TWIST2: variants seen among roughly 807,000 people sequenced by gnomAD.
TWIST2 encodes twist-related protein 2.
Under a neutral mutation model 11.6 loss-of-function variants are expected in TWIST2, and 1 was observed. That is an observed-to-expected ratio of 0.09 (90% CI 0.03 to 0.41). The LOEUF (loss-of-function observed/expected upper bound fraction) is 0.41. Ranked by LOEUF, TWIST2 falls within the 10% of genes least tolerant of loss-of-function variation. The pLI, the probability that TWIST2 is intolerant of heterozygous loss-of-function variation, is 0.98. For synonymous variants in TWIST2, 87 were observed against 96.6 expected (o/e 0.90, Z 0.58); for missense variants, 168 against 226.4 (o/e 0.74, Z 1.66).
At chr2:238,892,966 T>C (rs558793864) in intron 1 of TWIST2, among the ~76,000 whole-genome samples, 31 of 152,324 alleles carry the variant, frequency 2.0e-4, no homozygotes, top group African/African-American at 6.7e-4. Flanking sequence ...TAAAAGTAAC[T>C]GAGTCCAGAG....
At chr2:238,909,165 T>TA (rs1693411047) in intron 1 of TWIST2, among the ~76,000 whole-genome samples, 11 of 72,378 alleles carry the variant, frequency 1.5e-4, no homozygotes, top group Admixed American at 5.5e-4. Context: ...GTGTGTAGTG[T>TA]GGGGTGTGTG....
At chr2:238,881,307 ATTAGTG>A (rs1692923305) in intron 1 of TWIST2, among the ~76,000 whole-genome samples, 3 of 146,236 alleles carry the variant, frequency 2.1e-5, no homozygotes, top group South Asian at 2.2e-4. Context: ...ATCTATTAGT[ATTAGTG>A]TTAGTGTTGG....
intron 1 of TWIST2, among the ~76,000 whole-genome samples, chr2:238,884,536 C>T (rs937944100): frequency 1.3e-5 from 2 of 152,336 alleles, no homozygotes; most frequent in Non-Finnish European, 2.9e-5. Flanking sequence ...GTCTGATTCA[C>T]GGGCACGTTC....
chr2:238,899,056 G>A (rs1693240072), intron 1 of TWIST2, among the ~76,000 whole-genome samples: 2 of 152,364 alleles, frequency 1.3e-5, no homozygotes, highest in Admixed American at 6.5e-5. Flanking sequence ...GACCTGGCAC[G>A]GCCCAGCATT....
At chr2:238,874,193 C>G (rs1692763742) in intron 1 of TWIST2, among the ~76,000 whole-genome samples, 1 of 152,152 alleles carries the variant, frequency 6.6e-6, no homozygotes, top group African/African-American at 2.4e-5. Flanking sequence ...GCTGGTGACT[C>G]AGGGAAGTGC....
intron 1 of TWIST2, among the ~76,000 whole-genome samples, chr2:238,874,946 A>G (rs1692776341): frequency 6.6e-6 from 1 of 152,160 alleles, no homozygotes; most frequent in African/African-American, 2.4e-5. Context: ...GTCCTCTTCC[A>G]GGCTCTGTTG....
At chr2:238,877,241 A>T (rs1692823940) in intron 1 of TWIST2, among the ~76,000 whole-genome samples, 1 of 152,190 alleles carries the variant, frequency 6.6e-6, no homozygotes, top group Non-Finnish European at 1.5e-5. Context: ...AGTCTTTTGT[A>T]TAAAAGTCAG....
At chr2:238,891,329 C>T (rs532650529) in intron 1 of TWIST2, among the ~76,000 whole-genome samples, 1 of 152,364 alleles carries the variant, frequency 6.6e-6, no homozygotes, top group African/African-American at 2.4e-5. Flanking sequence ...TCAGGCCCAG[C>T]GCCCTCACTG....
chr2:238,862,574 G>T (rs566531591), intron 1 of TWIST2, among the ~76,000 whole-genome samples: 1 of 152,298 alleles, frequency 6.6e-6, no homozygotes, highest in Admixed American at 6.5e-5. Context: ...GAAGGTGGGG[G>T]AACCAGGCCA....
At chr2:238,893,750 T>C (rs1693175836) in intron 1 of TWIST2, among the ~76,000 whole-genome samples, 1 of 152,240 alleles carries the variant, frequency 6.6e-6, no homozygotes, top group Admixed American at 6.5e-5. Flanking sequence ...TCGCAGCTTC[T>C]GGCACTTTCG....
chr2:238,851,125 G>GT (rs1428347349), intron 1 of TWIST2, among the ~76,000 whole-genome samples: 1 of 152,200 alleles, frequency 6.6e-6, no homozygotes, highest in Non-Finnish European at 1.5e-5. Flanking sequence ...TCAGTACATT[G>GT]TAAGTGATTT....
At chr2:238,865,352 G>C (rs1323610686) in intron 1 of TWIST2, among the ~76,000 whole-genome samples, 2 of 152,188 alleles carry the variant, frequency 1.3e-5, no homozygotes, top group African/African-American at 4.8e-5. Flanking sequence ...GGCGCACAGG[G>C]ACCTCCCCAT....
rs1396549930 is a variant in TWIST2 at position 238,870,282 on chromosome 2, A to C, written c.*35+21549A>C. ...CACAAGCCACACACCCCACACACAC[A>C]TCACATACCACACACCCCCACACAC... On this transcript the variant is annotated intron_variant, in intron 1 of 1. Transcript: ENST00000612363. Among the ~76,000 whole-genome samples, 5 of 596 alleles carry C rather than the reference A, an allele frequency of 8.4e-3. 1 individual carries two copies. Among genetic ancestry groups the C allele is most frequent in the Non-Finnish European group, 0.013 (3 of 238 alleles). 0.4% of individuals were successfully genotyped at this position (596 alleles called of 152,430 possible). A position where few individuals can be genotyped will look rare whatever the true frequency, so the allele number is the denominator to read the frequency against.
chr2:238,907,314 C>T (rs1693369119), intron 1 of TWIST2, among the ~76,000 whole-genome samples: 1 of 152,224 alleles, frequency 6.6e-6, no homozygotes, highest in East Asian at 1.9e-4. Context: ...CTGGCCCCGG[C>T]CACCTCTCAG....
At chr2:238,905,914 CGT>C (rs1693340363) in intron 1 of TWIST2, among the ~76,000 whole-genome samples, 4 of 103,652 alleles carry the variant, frequency 3.9e-5, no homozygotes, top group South Asian at 3.4e-4. Flanking sequence ...CGTGTGTGTG[CGT>C]GCAGGTGTGC....
At chr2:238,898,491 C>G (rs1022317487) in intron 1 of TWIST2, among the ~76,000 whole-genome samples, 5 of 152,202 alleles carry the variant, frequency 3.3e-5, no homozygotes, top group African/African-American at 4.8e-5. Context: ...CCCATGAGGC[C>G]ATTGAGGATG....
chr2:238,889,172 G>T (rs1175577128), intron 1 of TWIST2, among the ~76,000 whole-genome samples: 1 of 152,180 alleles, frequency 6.6e-6, no homozygotes, highest in Non-Finnish European at 1.5e-5. Flanking sequence ...TGATTGGACT[G>T]TCATTCAGTT....
At chr2:238,908,911 G>A (rs1693402611) in intron 1 of TWIST2, among the ~76,000 whole-genome samples, 2 of 149,976 alleles carry the variant, frequency 1.3e-5, no homozygotes, top group Admixed American at 6.6e-5. Context: ...GTGTGTTTGT[G>A]TATGTGGCAG....
intron 1 of TWIST2, among the ~76,000 whole-genome samples, chr2:238,865,686 G>T (rs1366191501): frequency 7.9e-6 from 1 of 127,340 alleles, no homozygotes; most frequent in East Asian, 2.6e-4. Context: ...CTGGTCTTTT[G>T]GAACTTTTTT....
Sources: allele counts gnomAD v4.1 joint callset (sites outside exome capture counted in the v4.1 genomes callset), GRCh38; gene constraint gnomAD v4.1.1; transcripts MANE v1.5; gene names NCBI Gene and HGNC (gene_info 2026-07-23, HGNC 2026-07-21).